DNAAF5: variants seen among roughly 807,000 people sequenced by gnomAD.
The protein encoded by DNAAF5 is HEAT repeat containing 2.
A neutral mutation model predicts 75.8 loss-of-function variants in DNAAF5; 64 were observed. That is an observed-to-expected ratio of 0.84 (90% CI 0.69 to 1.04). The LOEUF (loss-of-function observed/expected upper bound fraction) is 1.04, where lower values mean the gene tolerates loss of function less well. Ranked by LOEUF, DNAAF5 falls within the 50% of genes least tolerant of loss-of-function variation. The pLI is 0.00. For synonymous variants in DNAAF5, 657 were observed against 557.2 expected, an observed-to-expected ratio of 1.18 and a Z score of -2.52; for missense variants, 1,269 against 1,178.5, an observed-to-expected ratio of 1.08 and a Z score of -1.12.
At position 754,284 on chromosome 7, in the gene DNAAF5, C is replaced by T. The variant is rs974611898; in HGVS notation, c.1025-305C>T. Among the ~76,000 whole-genome samples, 7 of 152,170 alleles carry T rather than the reference C, an allele frequency of 4.6e-5. No homozygotes were observed. The highest frequency in any genetic ancestry group is 1.0e-4 in the Non-Finnish European group (7 of 68,034). On this transcript the variant is annotated intron_variant, in intron 4 of 12. Coordinates refer to ENST00000297440, the MANE Select transcript of DNAAF5 (RefSeq NM_017802.4). This position sits in a 1 kb window ranked among gnomAD's most constrained non-coding sequence, Gnocchi z 4.8. ...GGACCACAGGCATGCACCACGGCACCTGGCTAATCTTCCTGTTTTTTATAG... is the reference window on the plus strand; with the variant it reads ...GGACCACAGGCATGCACCACGGCACTTGGCTAATCTTCCTGTTTTTTATAG...
intron 8 of DNAAF5, among the ~76,000 whole-genome samples, chr7:766,236 A>G (rs1782817745): frequency 6.6e-6 from 1 of 152,152 alleles, no homozygotes; most frequent in Admixed American, 6.5e-5. Flanking sequence ...ATAATACAAT[A>G]TTTCCAACAT....
intron 1 of DNAAF5, 103 bp from the exon 2 acceptor site, chr7:729,560 A>C: frequency 9.4e-7 from 1 of 1,060,060 alleles, no homozygotes; most frequent in South Asian, 1.5e-5. Context: ...AGAGGAAGGG[A>C]GGTGAGGAAC....
intron 7 of DNAAF5, among the ~76,000 whole-genome samples, chr7:763,122 C>T (rs1320917378): frequency 6.6e-6 from 1 of 152,112 alleles, no homozygotes; most frequent in Non-Finnish European, 1.5e-5. Context: ...AGGCTGCTGC[C>T]CTCCCCTTCC....
chr7:735,842 C>G (rs1781726533), intron 2 of DNAAF5, among the ~76,000 whole-genome samples: 1 of 151,856 alleles, frequency 6.6e-6, no homozygotes. Context: ...CTCTTGCTTT[C>G]CTAGTTCTTT....
At chr7:762,683 G>A (rs896547324) in intron 7 of DNAAF5, among the ~76,000 whole-genome samples, 3 of 151,430 alleles carry the variant, frequency 2.0e-5, no homozygotes, top group East Asian at 4.0e-4. Context: ...GCGCGATCTC[G>A]GCTCACTGCA....
Position 754,317 on chromosome 7 carries a change from G to C in DNAAF5, c.1025-272G>C, listed in dbSNP as rs6463933. On this transcript the variant is annotated intron_variant, in intron 4 of 12. Transcript: ENST00000297440. This position sits in a 1 kb window ranked among gnomAD's most constrained non-coding sequence, Gnocchi z 4.8. ...TCTTCCTGTTTTTTATAGAGATGGG[G>C]TCTTTGCCATGTTGCCCAGGCTGGT... 6.6e-6 allele frequency among the ~76,000 whole-genome samples: 1 copy of C among 152,046 alleles called. No homozygotes were observed. The highest frequency in any genetic ancestry group is 2.4e-5 in the African/African-American group (1 of 41,384).
chr7:777,424 A>C lies in DNAAF5; in HGVS notation c.2239+2262A>C, dbSNP rs577499243. Among the ~76,000 whole-genome samples the C allele has an allele frequency of 3.9e-5, 6 of 152,288 alleles. No individual in the cohort carries two copies. In the East Asian group the frequency reaches 1.2e-3, roughly 29 times the overall value. On this transcript the variant is annotated intron_variant, in intron 11 of 12. Transcript: ENST00000297440. ...TCAAAAAGCTAAAAGAACAACATCC[A>C]CTAAAAAACAAGTTGAGAAACAAGA...
At chr7:785,457 G>C in intron 12 of DNAAF5, 60 bp from the exon 13 acceptor site, 4 of 1,581,850 alleles carry the variant, frequency 2.5e-6, no homozygotes, top group African/African-American at 2.7e-5. Context: ...ATTTGCACGA[G>C]AGGTAAGATT....
chr7:743,143 C>A (rs547376636), intron 4 of DNAAF5, among the ~76,000 whole-genome samples: 2 of 152,322 alleles, frequency 1.3e-5, no homozygotes, highest in South Asian at 4.1e-4. Context: ...GTGGGAGGAT[C>A]ACCTGAGCCC....
rs765025514 is a variant in DNAAF5, at chr7:770,470, G to A, written c.1784-1G>A. 6.2e-7 allele frequency: 1 copy of A among 1,612,846 alleles called. No individual in the cohort carries two copies. Among genetic ancestry groups the A allele is most frequent in the Non-Finnish European group, 8.5e-7 (1 of 1,179,694 alleles). On this transcript the variant is annotated splice_acceptor_variant, in intron 8 of 12. Transcript: ENST00000297440. LOFTEE classifies it high-confidence loss of function. The stretch of plus-strand genomic sequence containing the variant: ...ACAGGAGCCTCTGTTGTGTCTTACA[G>A]GCCCTGCCCTGGGAGAAGCCCTGCC...
chr7:773,976 A>G (rs74468583), intron 9 of DNAAF5, 72 bp from the exon 10 acceptor site: 1 of 1,573,326 alleles, frequency 6.4e-7, no homozygotes, highest in Non-Finnish European at 8.7e-7. Flanking sequence ...AGCCCCATTC[A>G]TCCCTAGTCT....
intron 4 of DNAAF5, among the ~76,000 whole-genome samples, chr7:751,496 T>C (rs1422725002): frequency 6.6e-6 from 1 of 151,756 alleles, no homozygotes; most frequent in South Asian, 2.1e-4. Context: ...TGAGACCCTT[T>C]CTCTAAAAAT....
At chr7:781,772 T>C (rs1778954514) in intron 12 of DNAAF5, among the ~76,000 whole-genome samples, 1 of 152,244 alleles carries the variant, frequency 6.6e-6, no homozygotes, top group Non-Finnish European at 1.5e-5. Flanking sequence ...CAGACGCCTG[T>C]TTGTCATTTC....
At chr7:765,470 C>T (rs1027417847) in intron 8 of DNAAF5, among the ~76,000 whole-genome samples, 3 of 152,198 alleles carry the variant, frequency 2.0e-5, no homozygotes, top group South Asian at 4.1e-4. Context: ...ACACAAACCC[C>T]GAGAGACGTG....
At chr7:771,218 C>T (rs1314645561) in intron 9 of DNAAF5, 1 of 152,288 alleles carries the variant, frequency 6.6e-6, no homozygotes, top group East Asian at 1.9e-4. Context: ...CATTAAGACC[C>T]CGAGGGTCTA....
At chr7:763,056 TTCTC>T (rs1216214731) in intron 7 of DNAAF5, among the ~76,000 whole-genome samples, 1 of 152,178 alleles carries the variant, frequency 6.6e-6, no homozygotes, top group African/African-American at 2.4e-5. Context: ...TCTCGGCAGA[TTCTC>T]TCTCTGGGAG....
chr7:747,412 A>G (rs542235235), intron 4 of DNAAF5, among the ~76,000 whole-genome samples: 9 of 152,046 alleles, frequency 5.9e-5, no homozygotes, highest in Admixed American at 3.9e-4. Flanking sequence ...ATGGTGGCAC[A>G]GGGTGTTGGT....
intron 4 of DNAAF5, among the ~76,000 whole-genome samples, chr7:752,800 G>C (rs529770103): frequency 6.6e-6 from 1 of 152,362 alleles, no homozygotes; most frequent in East Asian, 1.9e-4. Flanking sequence ...CAAAGACTGA[G>C]ATGTTTGGAG....
intron 11 of DNAAF5, among the ~76,000 whole-genome samples, chr7:777,755 G>C (rs1283353226): frequency 1.3e-5 from 2 of 152,220 alleles, no homozygotes; most frequent in African/African-American, 4.8e-5. Flanking sequence ...ACTCTAGACT[G>C]AATGTGGCTG....
Sources: allele counts gnomAD v4.1 joint callset (sites outside exome capture counted in the v4.1 genomes callset), GRCh38; gene constraint gnomAD v4.1.1; non-coding constraint Gnocchi (gnomAD v3.1); transcripts MANE v1.5; gene names NCBI Gene and HGNC (gene_info 2026-07-23, HGNC 2026-07-21).